ADGRB2: variants seen among roughly 807,000 people sequenced by gnomAD.
The protein encoded by ADGRB2 is adhesion G protein-coupled receptor B2, also known as brain-specific angiogenesis inhibitor 2.
ADGRB2 carries 47 observed loss-of-function variants against 178.7 expected under a neutral mutation model. The ratio of observed to expected loss-of-function variants is 0.26; its 90% confidence interval spans 0.21 to 0.34. The LOEUF (loss-of-function observed/expected upper bound fraction) is 0.34, where lower values mean the gene tolerates loss of function less well. ADGRB2 is among the 10% of genes least tolerant of loss of function. The pLI is 1.00. For missense variants in ADGRB2, 1,584 were observed against 2,180.8 expected, an observed-to-expected ratio of 0.73 and a Z score of 5.45; for synonymous variants, 870 against 912.4, an observed-to-expected ratio of 0.95 and a Z score of 0.84.
At chr1:31,738,083 C>A (rs565934326) in intron 18 of ADGRB2, 117 bp downstream of exon 18, 33 of 1,421,722 alleles carry the variant, frequency 2.3e-5, no homozygotes, top group Admixed American at 4.4e-5. Flanking sequence ...ATCCCACAAG[C>A]GCACCTGCAG....
chr1:31,734,339 TG>T (rs1266642797), intron 25 of ADGRB2, among the ~76,000 whole-genome samples: 9 of 152,220 alleles, frequency 5.9e-5, no homozygotes, highest in African/African-American at 1.9e-4. Flanking sequence ...TGAGCCCAGC[TG>T]GGCAGGGAGA....
In ADGRB2 at chr1:31,756,429, TGCC is replaced by T; in HGVS notation, c.405_407del (p.Ala137del). 6.2e-7 allele frequency: 1 copy of T among 1,611,960 alleles called. No individual in the cohort carries two copies. The highest frequency in any genetic ancestry group is 2.2e-5 in the East Asian group (1 of 44,818). ...AGCCGCTGCACAGCTCCAACCCCGC[TGCC>T]GCCTCTGCCTCCTCCTCTTCTGGCC... On this transcript the variant is annotated inframe_deletion, in exon 4 of 33. Transcript: ENST00000373658. This position sits in a 1 kb window ranked among gnomAD's most constrained non-coding sequence, Gnocchi z 8.5.
rs1334037762 is a variant in ADGRB2, at chr1:31,755,939, C to T, written c.838+60G>A. 8 of 1,546,952 alleles carry T rather than the reference C, an allele frequency of 5.2e-6. No homozygotes were observed. The highest frequency in any genetic ancestry group is 7.0e-6 in the Non-Finnish European group (8 of 1,143,096). ...ATGGCCGAGGATCTGCCAGGATGGA[C>T]ACCAGGGACACTGTCAGCCCCTGCA... On this transcript the variant is annotated intron_variant, in intron 4 of 32. Coordinates refer to ENST00000373658, the MANE Select transcript of ADGRB2 (RefSeq NM_001364857.2). This position sits in a 1 kb window ranked among gnomAD's most constrained non-coding sequence, Gnocchi z 5.1.
rs1329110084 is a variant in ADGRB2, at chr1:31,728,113, C to T, written c.4516-32G>A. The T allele has an allele frequency of 6.2e-7, 1 of 1,612,668 alleles. No homozygotes were observed. The highest frequency in any genetic ancestry group is 1.1e-5 in the South Asian group (1 of 90,994). On this transcript the variant is annotated intron_variant, in intron 31 of 32. Transcript: ENST00000373658. This position sits in a 1 kb window ranked among gnomAD's most constrained non-coding sequence, Gnocchi z 6.7. ...CGGGGGCCACCGGTCAGGCTCCAAC[C>T]CCAGGGGCCACTGCACCAGGTCAGG...
At chr1:31,739,121 C>G in intron 15 of ADGRB2, 184 bp from the exon 16 acceptor site, 1 of 863,982 alleles carries the variant, frequency 1.2e-6, no homozygotes, top group Non-Finnish European at 1.8e-6. Flanking sequence ...CGCTGGGTGG[C>G]AGCCCAGCCT....
Position 31,732,589 on chromosome 1 carries a change from C to A in ADGRB2, c.3648G>T (p.Gln1216His). 6 of 1,614,132 alleles carry A rather than the reference C, an allele frequency of 3.7e-6. No individual in the cohort carries two copies. Among genetic ancestry groups the A allele is most frequent in the Non-Finnish European group, 5.1e-6 (6 of 1,180,030 alleles). The change falls in exon 27 of 33, where the codon CAG becomes CAT. Residue 1216 changes from glutamine to histidine, a missense_variant. Transcript: ENST00000373658. ...RREVQDVVKC[Q>H]MGVCRADESE... ...TCTCATCAGCCCGGCACACCCCCAT[C>A]TGGCACTTCACCACATCCTGGACCT...
At chr1:31,749,328 G>A (rs887648964) in intron 4 of ADGRB2, among the ~76,000 whole-genome samples, 7 of 152,170 alleles carry the variant, frequency 4.6e-5, no homozygotes, top group African/African-American at 1.4e-4. Context: ...GGCATGCTCC[G>A]GCCCCTGCTG....
In ADGRB2 at chr1:31,739,559, C is replaced by T. The variant is rs777668956; in HGVS notation, c.2244G>A (p.Met748Ile). The T allele has an allele frequency of 9.3e-6, 15 of 1,612,358 alleles. No homozygotes were observed. In the Admixed American group the frequency reaches 2.2e-4, roughly 23 times the overall value. Residue 748 changes from methionine to isoleucine, a missense_variant, in exon 15 of 33, where the codon ATG (methionine) becomes ATA (isoleucine). Physicochemically the swap from Met to Ile is conservative, Grantham distance 10. Coordinates refer to ENST00000373658, the MANE Select transcript of ADGRB2 (RefSeq NM_001364857.2). ...CCTCTGAGTGCCGCACCCAGTCCTT[C>T]ATGCCCCGGCGGCCCCGCATGGGGA... Reference protein sequence around the residue: ...ITFPMRGRRGMKDWVRHSEDR... With the variant: ...ITFPMRGRRGIKDWVRHSEDR...
intron 4 of ADGRB2, among the ~76,000 whole-genome samples, chr1:31,745,529 C>T (rs1557772039): frequency 6.6e-6 from 1 of 152,234 alleles, no homozygotes; most frequent in Non-Finnish European, 1.5e-5. Flanking sequence ...TCTCCAAAGC[C>T]TGGCCCTCCT....
intron 19 of ADGRB2, 50 bp from the exon 20 acceptor site, chr1:31,737,581 C>T: frequency 1.9e-6 from 3 of 1,611,382 alleles, no homozygotes; most frequent in African/African-American, 1.3e-5. Context: ...CCCCATCCGA[C>T]CTGGTGTGGC....
chr1:31,732,172 G>T lies in ADGRB2; in HGVS notation c.3721-18C>A, dbSNP rs971071590. On this transcript the variant is annotated intron_variant, in intron 27 of 32. Coordinates refer to ENST00000373658, the MANE Select transcript of ADGRB2 (RefSeq NM_001364857.2). ...AAGTCTGACTATAGGCAGAAAGGGA[G>T]GGGCAGGTGGGCAGAGGGAGGATTA... is the stretch of plus-strand genomic sequence containing the variant. 6.2e-7 allele frequency: 1 copy of T among 1,613,958 alleles called. No individual in the cohort carries two copies. Among genetic ancestry groups the T allele is most frequent in the African/African-American group, 1.3e-5 (1 of 74,946 alleles).
chr1:31,732,864 T>G (rs1645364566), intron 26 of ADGRB2, 108 bp downstream of exon 26: 3 of 1,409,072 alleles, frequency 2.1e-6, no homozygotes, highest in Non-Finnish European at 2.9e-6. Context: ...AGATGGGGCC[T>G]GGGGCACCCT....
chr1:31,733,013 C>T lies in ADGRB2; in HGVS notation c.3583G>A (p.Gly1195Ser), dbSNP rs764069203. The change falls in exon 26 of 33, where the codon GGC becomes AGC. Residue 1195 changes from glycine (G) to serine (S), a missense_variant. Coordinates refer to ENST00000373658, the MANE Select transcript of ADGRB2 (RefSeq NM_001364857.2). This position sits in a 1 kb window ranked among gnomAD's most constrained non-coding sequence, Gnocchi z 4.3. ...ALFAVFNSAQ[G>S]FVITAVHCFL... ...CAGTGCACAGCAGTGATGACAAAGC[C>T]CTGCGCGGAGTTGAAGACAGCAAAG... The T allele has an allele frequency of 2.6e-6, 4 of 1,568,324 alleles. No homozygotes were observed. Among genetic ancestry groups the T allele is most frequent in the Middle Eastern group, 1.7e-4 (1 of 5,988 alleles).
At chr1:31,732,257 C>A in intron 27 of ADGRB2, 103 bp from the exon 28 acceptor site, 1 of 1,507,448 alleles carries the variant, frequency 6.6e-7, no homozygotes, top group Non-Finnish European at 9.2e-7. Flanking sequence ...AGTCTGCCTG[C>A]CTTAGGGCTG....
chr1:31,759,523 T>C lies in ADGRB2; in HGVS notation c.-190-2012A>G, dbSNP rs2149071903. On this transcript the variant is annotated intron_variant, in intron 1 of 32. Coordinates refer to ENST00000373658, the MANE Select transcript of ADGRB2 (RefSeq NM_001364857.2). This position sits in a 1 kb window ranked among gnomAD's most constrained non-coding sequence, Gnocchi z 4.3. Reference sequence around the variant, plus strand: ...GAGCCACAGGCTGGCTTCTCCAGAATGGAGTCACTTTTAACCCAATCCAAC... The same window carrying C: ...GAGCCACAGGCTGGCTTCTCCAGAACGGAGTCACTTTTAACCCAATCCAAC... The C allele has an allele frequency of 6.2e-6, 4 of 640,918 alleles. No individual in the cohort carries two copies. Among genetic ancestry groups the C allele is most frequent in the East Asian group, 2.6e-5 (1 of 37,820 alleles). The allele number at this position is 640,918 out of a possible 1,614,324, so 39.7% of individuals were successfully genotyped here.
chr1:31,733,631 G>T lies in ADGRB2; in HGVS notation c.3453-488C>A, dbSNP rs1450079022. Among the ~76,000 whole-genome samples the T allele has an allele frequency of 6.6e-6, 1 of 152,130 alleles. No homozygotes were observed. The highest frequency in any genetic ancestry group is 2.4e-5 in the African/African-American group (1 of 41,414). Reference sequence around the variant, plus strand: ...CAGAAAGATTAAACAGGCAGAGCACGCGGGGGACATCCAGAGCACGAATCC... The same window carrying T: ...CAGAAAGATTAAACAGGCAGAGCACTCGGGGGACATCCAGAGCACGAATCC... On this transcript the variant is annotated intron_variant, in intron 25 of 32. Transcript: ENST00000373658. The surrounding 1 kb of genome is among the most constrained non-coding windows in gnomAD (Gnocchi z 4.3).
In ADGRB2 at chr1:31,735,845, A is replaced by G; in HGVS notation, c.3249T>C (p.Pro1083=). 1 of 1,609,204 alleles carries G rather than the reference A, an allele frequency of 6.2e-7. No individual in the cohort carries two copies. The highest frequency in any genetic ancestry group is 2.2e-5 in the East Asian group (1 of 44,672). ...CACATACCAGGACAATGACGGCTGC[A>G]GGGCCCACAAAGGCGTAGAGCAGGC... ...EGGLLYAFVG[P]AAVIVLVNML... The change falls in exon 23 of 33, where the codon CCT becomes CCC. Residue 1083 remains proline, a synonymous_variant. Transcript: ENST00000373658. The surrounding 1 kb of genome is among the most constrained non-coding windows in gnomAD (Gnocchi z 6.0).
chr1:31,746,740 C>T (rs1646292914), intron 4 of ADGRB2, among the ~76,000 whole-genome samples: 1 of 152,180 alleles, frequency 6.6e-6, no homozygotes, highest in Non-Finnish European at 1.5e-5. Context: ...AGCCCTTCTC[C>T]CCACAAAGGC....
At position 31,735,905 on chromosome 1, in the gene ADGRB2, GAGA is replaced by G. The variant is rs753283015; in HGVS notation, c.3201-15_3201-13del. On this transcript the variant is annotated splice_polypyrimidine_tract_variant and intron_variant, in intron 22 of 32. Transcript: ENST00000373658. This position sits in a 1 kb window ranked among gnomAD's most constrained non-coding sequence, Gnocchi z 6.0. Reference sequence around the variant, plus strand: ...GGGAGAGCCAGCAGCTGGGGTGGGGGAGAAGAAGGGTGTCAGACACCCAGCAGC... The same window carrying G: ...GGGAGAGCCAGCAGCTGGGGTGGGGGAGAAGGGTGTCAGACACCCAGCAGC... The G allele has an allele frequency of 5.7e-6, 9 of 1,578,716 alleles. No individual in the cohort carries two copies. Among genetic ancestry groups the G allele is most frequent in the South Asian group, 1.2e-5 (1 of 86,676 alleles).
Sources: allele counts gnomAD v4.1 joint callset (sites outside exome capture counted in the v4.1 genomes callset), GRCh38; gene constraint gnomAD v4.1.1; non-coding constraint Gnocchi (gnomAD v3.1); transcripts MANE v1.5; gene names NCBI Gene and HGNC (gene_info 2026-07-23, HGNC 2026-07-21).